The following PLPPR3 variants were observed in gnomAD, a reference collection of about 807,000 sequenced individuals.
PLPPR3 encodes the protein phospholipid phosphatase related 3.
PLPPR3 carries 14 observed loss-of-function variants against 27.3 expected under a neutral mutation model. The ratio of observed to expected loss-of-function variants is 0.51; its 90% confidence interval spans 0.34 to 0.80. The LOEUF is 0.80. Among genes scored for constraint, PLPPR3 ranks in the 30% least tolerant of loss-of-function variants. The pLI is 0.01. For missense variants in PLPPR3, 1,287 were observed against 1,056.9 expected, an observed-to-expected ratio of 1.22 and a Z score of -3.02; for synonymous variants, 671 against 508.0, an observed-to-expected ratio of 1.32 and a Z score of -4.32.
At chr19:822,508 C>A (rs1185377597), upstream of PLPPR3, among the ~76,000 whole-genome samples, 1 of 152,124 alleles carries the variant, frequency 6.6e-6, no homozygotes, top group Non-Finnish European at 1.5e-5. Context: ...TCTCCCGGTG[C>A]CTCCCTCCCT....
upstream of PLPPR3, among the ~76,000 whole-genome samples, chr19:822,907 G>A (rs969709007): frequency 1.3e-5 from 2 of 151,548 alleles, no homozygotes; most frequent in Non-Finnish European, 2.9e-5. Flanking sequence ...GATCACGAGG[G>A]CAGGAGTTCG....
upstream of PLPPR3, among the ~76,000 whole-genome samples, chr19:823,446 A>ACAAAAAAAC (rs1555703848): frequency 1.4e-4 from 12 of 84,284 alleles, no homozygotes; most frequent in Admixed American, 1.1e-3. Context: ...TATCTCAAAA[A>ACAAAAAAAC]AAAAAAAAAA....
chr19:813,482 G>A lies in PLPPR3; in HGVS notation c.1245C>T (p.Ser415=), dbSNP rs779062739. 1 of 1,545,612 alleles carries A rather than the reference G, an allele frequency of 6.5e-7. No individual in the cohort carries two copies. The highest frequency in any genetic ancestry group is 8.7e-7 in the Non-Finnish European group (1 of 1,149,810). The change falls in exon 8 of 8, where the codon AGC becomes AGT. Residue 415 remains serine (S), a synonymous_variant. Transcript: ENST00000520876. This position sits in a 1 kb window ranked among gnomAD's most constrained non-coding sequence, Gnocchi z 4.1. ...GCAGCCCCAGGCCGCGGCCCTCCAGGCTCTTCTGCTTCCACTCGCTGATGA... is the reference window on the plus strand; with the variant it reads ...GCAGCCCCAGGCCGCGGCCCTCCAGACTCTTCTGCTTCCACTCGCTGATGA... ...KQLISEWKQK[S]LEGRGLGLPD...
At position 813,577 on chromosome 19, in the gene PLPPR3, AG is replaced by A; in HGVS notation, c.1149del (p.Ser384ArgfsTer10). 6.4e-7 allele frequency: 1 copy of A among 1,555,930 alleles called. No homozygotes were observed. The highest frequency in any genetic ancestry group is 1.2e-5 in the South Asian group (1 of 84,924). ...FSHTLPRASA[P>X]SLDDPARRHM... ...TGGCGGCGCGCGGGGTCGTCCAGCG[AG>A]GGCGCGCTGGCCCTGGGCAGCGTGT... On this transcript the variant is annotated frameshift_variant, in exon 8 of 8. Transcript: ENST00000520876. LOFTEE classifies it low-confidence loss of function (END_TRUNC). The surrounding 1 kb of genome is among the most constrained non-coding windows in gnomAD (Gnocchi z 4.1).
In PLPPR3 at chr19:812,733, T is replaced by G. The variant is rs1290137762; in HGVS notation, c.1994A>C (p.Glu665Ala). 9 of 1,064,832 alleles carry G rather than the reference T, an allele frequency of 8.5e-6. No homozygotes were observed. In the African/African-American group the frequency reaches 1.6e-4, roughly 18 times the overall value. 66.0% of individuals were successfully genotyped at this position (1,064,832 alleles called of 1,614,324 possible). ...GGCCGCGCCCAGCGGGGGCAGCCCC[T>G]CGCCCGTGGCCAGGTTGACGGTGGC... ...AVATVNLATG[E>A]GLPPLGAADG... Residue 665 changes from glutamate (E) to alanine (A), a missense_variant, in exon 8 of 8, where the codon GAG becomes GCG. Physicochemically the swap from Glu to Ala is moderately radical, Grantham distance 107. Transcript: ENST00000520876.
chr19:814,242 C>T (rs1297476556), intron 7 of PLPPR3, among the ~76,000 whole-genome samples, 192 bp downstream of exon 7: 1 of 145,902 alleles, frequency 6.9e-6, no homozygotes, highest in Non-Finnish European at 1.5e-5. Flanking sequence ...TCTGGGCCAG[C>T]CCCCCGCCAG....
intron 2 of PLPPR3, among the ~76,000 whole-genome samples, chr19:818,121 G>T (rs1269678890): frequency 6.6e-6 from 1 of 152,090 alleles, no homozygotes. Flanking sequence ...GGTGGCTCAC[G>T]CCTGTCATCC....
In PLPPR3 at chr19:814,695, C is replaced by A; in HGVS notation, c.654G>T (p.Val218=). The change falls in exon 6 of 8, where the codon GTG becomes GTT. Residue 218 remains valine (V), a synonymous_variant. Transcript: ENST00000520876. ...GGCAGTGAGGGGCCGGACTCACCGA[C>A]ACATAGACCGCGGCGAAGGCTGACA... The part of the protein sequence containing the change: ...ATLSAFAAVY[V]SMYFNSVISD... 6.3e-7 allele frequency: 1 copy of A among 1,599,316 alleles called. No homozygotes were observed. The highest frequency in any genetic ancestry group is 1.1e-5 in the South Asian group (1 of 90,950).
rs1204605678 is a variant in PLPPR3, at chr19:813,716, C to T, written c.1011G>A (p.Arg337=). 6.6e-7 allele frequency: 1 copy of T among 1,525,062 alleles called. No individual in the cohort carries two copies. The allele number at this position is 1,525,062 out of a possible 1,614,324, so 94.5% of individuals were successfully genotyped here. A position where few individuals can be genotyped will look rare whatever the true frequency, so the allele number is the denominator to read the frequency against. ...GCGAGGTCTTCTCGCGGGCCACGGG[C>T]CGGGGCGCGCCCTCCAGCCGCCCTG... ...GPPGRLEGAP[R]PVAREKTSLG... is the part of the protein sequence containing the mutation. The change falls in exon 8 of 8, where the codon CGG becomes CGA. Residue 337 remains arginine (R), a synonymous_variant. Coordinates refer to ENST00000520876, the MANE Select transcript of PLPPR3 (RefSeq NM_001270366.2). This position sits in a 1 kb window ranked among gnomAD's most constrained non-coding sequence, Gnocchi z 4.1.
intron 2 of PLPPR3, among the ~76,000 whole-genome samples, chr19:817,267 C>T (rs983715817): frequency 1.3e-5 from 2 of 151,972 alleles, no homozygotes; most frequent in Admixed American, 6.6e-5. Context: ...CGTGAGGCAC[C>T]GCACCCAGCC....
intron 1 of PLPPR3, 69 bp downstream of exon 1, chr19:821,846 T>C: frequency 7.0e-6 from 2 of 284,064 alleles, no homozygotes; most frequent in Non-Finnish European, 1.3e-5. Flanking sequence ...GTGGGGGGCA[T>C]CCGGGAGAAC....
rs912447412 is a variant in PLPPR3, at chr19:813,895, C to A, written c.832G>T (p.Ala278Ser). The change falls in exon 8 of 8, where the codon GCC (alanine) becomes TCC (serine). Residue 278 changes from alanine (A) to serine (S), a missense_variant and splice_region_variant. Physicochemically the swap from Ala to Ser is moderately conservative, Grantham distance 99. Transcript: ENST00000520876. The surrounding 1 kb of genome is among the most constrained non-coding windows in gnomAD (Gnocchi z 4.1). ...TGGAAGTTGCCCACCGCGTGGCAGGCCTGTCGGGGAGAGGGGTCTGGGGGT... is the reference window on the plus strand; with the variant it reads ...TGGAAGTTGCCCACCGCGTGGCAGGACTGTCGGGGAGAGGGGTCTGGGGGT... ...LIGAGIAAYL[A>S]CHAVGNFQAP... 10 of 1,431,432 alleles carry A rather than the reference C, an allele frequency of 7.0e-6. No individual in the cohort carries two copies. The highest frequency in any genetic ancestry group is 8.2e-6 in the Non-Finnish European group (9 of 1,099,600). The allele number at this position is 1,431,432 out of a possible 1,614,324, so 88.7% of individuals were successfully genotyped here.
rs867466795 is a variant in PLPPR3 at position 813,582 on chromosome 19, G to A, written c.1145C>T (p.Ala382Val). ...GCGCGCGGGGTCGTCCAGCGAGGGC[G>A]CGCTGGCCCTGGGCAGCGTGTGGCT... ...TFSHTLPRAS[A>V]PSLDDPARRH... The change falls in exon 8 of 8, where the codon GCG becomes GTG. Residue 382 changes from alanine to valine, a missense_variant. Physicochemically the swap from Ala to Val is moderately conservative, Grantham distance 64. Transcript: ENST00000520876. The surrounding 1 kb of genome is among the most constrained non-coding windows in gnomAD (Gnocchi z 4.1). The A allele has an allele frequency of 1.3e-6, 2 of 1,554,482 alleles. No homozygotes were observed. The highest frequency in any genetic ancestry group is 1.7e-6 in the Non-Finnish European group (2 of 1,151,468).
chr19:818,682 C>T (rs894037888), intron 2 of PLPPR3, among the ~76,000 whole-genome samples: 6 of 151,576 alleles, frequency 4.0e-5, no homozygotes, highest in East Asian at 3.9e-4. Context: ...TACAGGCGCC[C>T]GCCACCGCGC....
chr19:814,105 G>A (rs144926455), intron 7 of PLPPR3, among the ~76,000 whole-genome samples: 65 of 152,154 alleles, frequency 4.3e-4, no homozygotes, highest in African/African-American at 1.4e-3. Context: ...CCAAGGGCGA[G>A]ACACTTCAGC....
In PLPPR3 at chr19:814,870, TGGG is replaced by T. The variant is rs746364537; in HGVS notation, c.599+13_599+15del. The T allele has an allele frequency of 6.2e-7, 1 of 1,603,830 alleles. No homozygotes were observed. Among genetic ancestry groups the T allele is most frequent in the African/African-American group, 1.3e-5 (1 of 74,846 alleles). The stretch of plus-strand genomic sequence containing the variant: ...GAAGAAGGCTCCCAGTCAGGGGAGT[TGGG>T]GGTCCGGCTCACCGTGCAGACAGGA... On this transcript the variant is annotated intron_variant, in intron 5 of 7. Coordinates refer to ENST00000520876, the MANE Select transcript of PLPPR3 (RefSeq NM_001270366.2).
intron 1 of PLPPR3, 79 bp from the exon 2 acceptor site, chr19:821,664 G>T: frequency 1.3e-6 from 1 of 763,324 alleles, no homozygotes; most frequent in Non-Finnish European, 1.9e-6. Context: ...GCCGGCGGGG[G>T]AGGGGCGGTC....
At position 813,190 on chromosome 19, in the gene PLPPR3, C is replaced by G; in HGVS notation, c.1537G>C (p.Ala513Pro). 1 of 1,510,214 alleles carries G rather than the reference C, an allele frequency of 6.6e-7. No homozygotes were observed. 93.6% of individuals were successfully genotyped at this position (1,510,214 alleles called of 1,614,324 possible). ...ATGAGCCACTTGGCGCGCACCCCGGCGCCGCTTTTGGGGGACAGGCCGGCC... is the reference window on the plus strand; with the variant it reads ...ATGAGCCACTTGGCGCGCACCCCGGGGCCGCTTTTGGGGGACAGGCCGGCC... ...TGAGLSPKSG[A>P]GVRAKWLMMA... The change falls in exon 8 of 8, where the codon GCC (alanine) becomes CCC (proline). Residue 513 changes from alanine to proline, a missense_variant. Transcript: ENST00000520876. The surrounding 1 kb of genome is among the most constrained non-coding windows in gnomAD (Gnocchi z 4.1).
At position 812,681 on chromosome 19, in the gene PLPPR3, C is replaced by T. The variant is rs921582085; in HGVS notation, c.2046G>A (p.Arg682=). 104 of 1,048,646 alleles carry T rather than the reference C, an allele frequency of 9.9e-5. No individual in the cohort carries two copies. In the African/African-American group the frequency reaches 1.7e-3, roughly 17 times the overall value. 65.0% of individuals were successfully genotyped at this position (1,048,646 alleles called of 1,614,324 possible). The change falls in exon 8 of 8, where the codon CGG becomes CGA. Residue 682 remains arginine (R), a synonymous_variant. Transcript: ENST00000520876. ...AADGALGPGS[R]ESTLRRHAGG... Reference sequence around the variant, plus strand: ...CCGCGTGGCGCCGCAGCGTGGACTCCCGGCTGCCCGGGCCCAGCGCCCCAT... The same window carrying T: ...CCGCGTGGCGCCGCAGCGTGGACTCTCGGCTGCCCGGGCCCAGCGCCCCAT...
Sources: gnomAD v4.1 joint callset for allele counts (sites outside exome capture counted in the v4.1 genomes callset) on GRCh38, gnomAD v4.1.1 for gene constraint, Gnocchi (gnomAD v3.1) non-coding constraint, MANE v1.5 for transcripts, NCBI Gene and HGNC (gene_info 2026-07-23, HGNC 2026-07-21) for gene names.